Variants in KCNT2 observed in about 807,000 individuals in gnomAD.
KCNT2 encodes potassium sodium-activated channel subfamily T member 2.
A neutral mutation model predicts 153.8 loss-of-function variants in KCNT2; 67 were observed. The ratio of observed to expected loss-of-function variants is 0.44; its 90% CI spans 0.36 to 0.53. The LOEUF (loss-of-function observed/expected upper bound fraction) is 0.53. Ranked by LOEUF, KCNT2 falls within the 20% of genes least tolerant of loss-of-function variation. The pLI, the probability that KCNT2 is intolerant of heterozygous loss-of-function variation, is 0.00. For missense variants in KCNT2, 975 were observed against 1,354.8 expected (o/e 0.72, Z 4.40); for synonymous variants, 500 against 458.8 (o/e 1.09, Z -1.15).
chr1:196,461,118 T>A (rs370720582), intron 8 of KCNT2, among the ~76,000 whole-genome samples: 1 of 151,768 alleles, frequency 6.6e-6, no homozygotes. Context: ...CAAACTACAG[T>A]ACTTATCTTC....
At chr1:196,549,213 G>A (rs1177670792) in intron 1 of KCNT2, among the ~76,000 whole-genome samples, 1 of 151,824 alleles carries the variant, frequency 6.6e-6, no homozygotes, top group African/African-American at 2.4e-5. Flanking sequence ...AATTTTGGCA[G>A]TTTATTTTGT....
At chr1:196,272,693 C>T (rs1389166302) in intron 25 of KCNT2, among the ~76,000 whole-genome samples, 1 of 151,892 alleles carries the variant, frequency 6.6e-6, no homozygotes, top group Non-Finnish European at 1.5e-5. Context: ...ACCAAAAAAA[C>T]TATAAACATC....
At chr1:196,398,192 T>C (rs1377668337) in intron 13 of KCNT2, among the ~76,000 whole-genome samples, 1 of 151,500 alleles carries the variant, frequency 6.6e-6, no homozygotes, top group African/African-American at 2.4e-5. Flanking sequence ...AACAATTATC[T>C]ATAGCCAAAT....
At chr1:196,333,533 T>A (rs1012190655) in intron 17 of KCNT2, among the ~76,000 whole-genome samples, 5 of 152,208 alleles carry the variant, frequency 3.3e-5, no homozygotes, top group African/African-American at 1.2e-4. Flanking sequence ...ATAAAAACCA[T>A]ACAATTATGA....
chr1:196,575,477 C>A (rs2148960755), intron 1 of KCNT2, among the ~76,000 whole-genome samples: 1 of 152,130 alleles, frequency 6.6e-6, no homozygotes, highest in South Asian at 2.1e-4. Flanking sequence ...GAAAACATTT[C>A]AACCATTGTT....
intron 12 of KCNT2, among the ~76,000 whole-genome samples, chr1:196,402,831 T>C (rs1228646473): frequency 6.6e-6 from 1 of 151,610 alleles, no homozygotes; most frequent in Admixed American, 6.6e-5. Flanking sequence ...AGTTAACTCA[T>C]GTCATTAGAG....
At chr1:196,466,925 G>C (rs772307417) in intron 7 of KCNT2, among the ~76,000 whole-genome samples, 1 of 151,764 alleles carries the variant, frequency 6.6e-6, no homozygotes, top group Non-Finnish European at 1.5e-5. Context: ...ATGCAACTGG[G>C]GCACAGCTCT....
intron 1 of KCNT2, among the ~76,000 whole-genome samples, chr1:196,495,309 G>A (rs1680170580): frequency 6.6e-6 from 1 of 151,716 alleles, no homozygotes; most frequent in African/African-American, 2.4e-5. Context: ...CTAGCAGCAA[G>A]GCATGTTAGT....
intron 25 of KCNT2, among the ~76,000 whole-genome samples, chr1:196,279,473 A>G (rs1034631980): frequency 1.3e-5 from 2 of 152,036 alleles, no homozygotes; most frequent in Admixed American, 6.6e-5. Context: ...CCCAGGCTGG[A>G]GTGCAGTGGC....
chr1:196,232,693 T>C (rs1192902156), intron 27 of KCNT2, among the ~76,000 whole-genome samples: 1 of 151,564 alleles, frequency 6.6e-6, no homozygotes, highest in Non-Finnish European at 1.5e-5. Context: ...ATGTCTACTT[T>C]ACCTGTCCAC....
chr1:196,280,886 C>T lies in KCNT2; in HGVS notation c.2884G>A (p.Glu962Lys). 6.2e-7 allele frequency: 1 copy of T among 1,612,418 alleles called. No homozygotes were observed. Among genetic ancestry groups the T allele is most frequent in the East Asian group, 2.2e-5 (1 of 44,830 alleles). Reference protein sequence around the residue: ...GDVPIGIYRTESQKLTTSESQ... With the variant: ...GDVPIGIYRTKSQKLTTSESQ... Reference sequence around the variant, plus strand: ...TCAGATGTAGTAAGTTTCTGAGACTCAGTCCTGTAGATTCCAATGGGAACA... The same window carrying T: ...TCAGATGTAGTAAGTTTCTGAGACTTAGTCCTGTAGATTCCAATGGGAACA... The change falls in exon 25 of 28, where the codon GAG becomes AAG. Residue 962 changes from glutamate to lysine, a missense_variant. Coordinates refer to ENST00000294725, the MANE Select transcript of KCNT2 (RefSeq NM_198503.5).
intron 1 of KCNT2, among the ~76,000 whole-genome samples, chr1:196,541,797 A>G (rs1656408774): frequency 6.6e-6 from 1 of 152,104 alleles, no homozygotes; most frequent in Non-Finnish European, 1.5e-5. Context: ...CCACTAGGAC[A>G]TGAGATATGC....
chr1:196,415,564 C>A (rs759575728), intron 12 of KCNT2, among the ~76,000 whole-genome samples: 9 of 151,550 alleles, frequency 5.9e-5, no homozygotes, highest in Middle Eastern at 3.2e-3. Flanking sequence ...ATGATACAGC[C>A]TATTGTTATG....
At chr1:196,468,962 A>C (rs1328812858) in intron 6 of KCNT2, 32 bp downstream of exon 6, 2 of 1,299,226 alleles carry the variant, frequency 1.5e-6, no homozygotes, top group African/African-American at 2.9e-5. Flanking sequence ...CTAATTACAA[A>C]AGTGTTTTTT....
intron 14 of KCNT2, among the ~76,000 whole-genome samples, chr1:196,350,698 T>C (rs1423369456): frequency 6.6e-6 from 1 of 152,212 alleles, no homozygotes; most frequent in Non-Finnish European, 1.5e-5. Context: ...GCAGAAGCTC[T>C]TTAGTTTAAT....
chr1:196,272,907 G>C (rs146666942), intron 25 of KCNT2, among the ~76,000 whole-genome samples: 442 of 151,898 alleles, frequency 2.9e-3, no homozygotes, highest in Middle Eastern at 0.01. Flanking sequence ...CTAAAGTACA[G>C]CATGGTAACT....
At chr1:196,282,824 T>C (rs116837631) in intron 23 of KCNT2, among the ~76,000 whole-genome samples, 1,850 of 152,318 alleles carry the variant, frequency 0.012, 33 homozygotes, top group African/African-American at 0.042. Flanking sequence ...CAACACTTCA[T>C]GATAAAATAG....
At chr1:196,406,263 T>C (rs964704181) in intron 12 of KCNT2, among the ~76,000 whole-genome samples, 1 of 151,554 alleles carries the variant, frequency 6.6e-6, no homozygotes, top group Non-Finnish European at 1.5e-5. Flanking sequence ...CCTAACTTCA[T>C]GACTGAATTA....
chr1:196,256,952 T>C (rs188032660), intron 26 of KCNT2, among the ~76,000 whole-genome samples: 158 of 152,200 alleles, frequency 1.0e-3, no homozygotes, highest in Middle Eastern at 3.4e-3. Flanking sequence ...TTTCTTTTAA[T>C]TTGCTTCTTA....
Sources: gnomAD v4.1 joint callset for allele counts (sites outside exome capture counted in the v4.1 genomes callset) on GRCh38, gnomAD v4.1.1 for gene constraint, MANE v1.5 for transcripts, NCBI Gene and HGNC (gene_info 2026-07-23, HGNC 2026-07-21) for gene names.